OSBPL1A: variants seen among roughly 807,000 people sequenced by gnomAD.
OSBPL1A encodes the protein oxysterol-binding protein-related protein 1.
OSBPL1A carries 80 observed loss-of-function variants against 137.1 expected under a neutral mutation model. The observed-to-expected ratio is 0.58, with a 90% CI of 0.49 to 0.70. The LOEUF is 0.70. Ranked by LOEUF, OSBPL1A falls within the 30% of genes least tolerant of loss-of-function variation. The pLI is 0.00. For missense variants in OSBPL1A, 970 were observed against 1,129.4 expected (o/e 0.86, Z 2.02); for synonymous variants, 365 against 389.7 (o/e 0.94, Z 0.75).
At chr18:24,289,535 C>T (rs1249360087) in intron 14 of OSBPL1A, among the ~76,000 whole-genome samples, 1 of 150,902 alleles carries the variant, frequency 6.6e-6, no homozygotes, top group Non-Finnish European at 1.5e-5. Context: ...AATTCTCCTG[C>T]CTCAGGATCG....
chr18:24,307,068 C>T (rs999620968), intron 13 of OSBPL1A, among the ~76,000 whole-genome samples: 3 of 143,186 alleles, frequency 2.1e-5, no homozygotes, highest in African/African-American at 7.8e-5. Context: ...ACCTTCCTTG[C>T]AACATAATGA....
intron 15 of OSBPL1A, among the ~76,000 whole-genome samples, chr18:24,255,565 C>T (rs2146033907): frequency 6.6e-6 from 1 of 152,136 alleles, no homozygotes; most frequent in East Asian, 1.9e-4. Flanking sequence ...TACCTATGAC[C>T]TGGAAGCCTC....
At chr18:24,355,300 T>C (rs1555656206) in intron 4 of OSBPL1A, among the ~76,000 whole-genome samples, 2 of 150,948 alleles carry the variant, frequency 1.3e-5, no homozygotes, top group Admixed American at 6.6e-5. Flanking sequence ...TCAGGAGTTC[T>C]AGACCACCGT....
At chr18:24,369,218 T>C (rs1905418095) in intron 2 of OSBPL1A, among the ~76,000 whole-genome samples, 1 of 152,154 alleles carries the variant, frequency 6.6e-6, no homozygotes, top group African/African-American at 2.4e-5. Context: ...GGATATTGGG[T>C]TGCCAAGGTG....
chr18:24,229,561 A>T (rs1319196106), intron 16 of OSBPL1A, among the ~76,000 whole-genome samples: 1 of 152,186 alleles, frequency 6.6e-6, no homozygotes, highest in Non-Finnish European at 1.5e-5. Flanking sequence ...GCATCGTTTC[A>T]TGTGGAGACT....
At chr18:24,212,959 A>G (rs2087587280) in intron 17 of OSBPL1A, among the ~76,000 whole-genome samples, 1 of 152,226 alleles carries the variant, frequency 6.6e-6, no homozygotes, top group South Asian at 2.1e-4. Flanking sequence ...CTGTTATTAT[A>G]ATGTACCCTG....
chr18:24,318,682 A>G, intron 8 of OSBPL1A, 37 bp from the exon 9 acceptor site: 2 of 1,605,432 alleles, frequency 1.2e-6, no homozygotes, highest in Non-Finnish European at 1.7e-6. Context: ...ATGCATCTAC[A>G]TATTTCAAAC....
intron 15 of OSBPL1A, chr18:24,272,062 G>A: frequency 3.1e-6 from 3 of 982,796 alleles, no homozygotes; most frequent in Non-Finnish European, 3.6e-6. Flanking sequence ...CCCTTCCCCA[G>A]CGCCGCTGGC....
rs142980819 is a variant in OSBPL1A, at chr18:24,247,763, C to T, written c.1282-8381G>A. On this transcript the variant is annotated intron_variant, in intron 15 of 27. Coordinates refer to ENST00000319481, the MANE Select transcript of OSBPL1A (RefSeq NM_080597.4). ...TGGGATTACAGGCAGAGCCACATCA[C>T]GCCTAGCCTACAAGAGGACGCTGGT... is the stretch of plus-strand genomic sequence containing the variant. Among the ~76,000 whole-genome samples the T allele has an allele frequency of 5.3e-3, 807 of 152,126 alleles. 4 individuals are homozygous for T. Among genetic ancestry groups the T allele is most frequent in the Non-Finnish European group, 9.1e-3 (621 of 68,010 alleles).
chr18:24,367,079 G>A lies in OSBPL1A; in HGVS notation c.208-113C>T. The A allele has an allele frequency of 3.8e-6, 3 of 786,494 alleles. No homozygotes were observed. In the South Asian group the frequency reaches 9.2e-5, roughly 24 times the overall value. 48.7% of individuals were successfully genotyped at this position (786,494 alleles called of 1,614,324 possible). On this transcript the variant is annotated intron_variant, in intron 3 of 27. Coordinates refer to ENST00000319481, the MANE Select transcript of OSBPL1A (RefSeq NM_080597.4). Reference sequence around the variant, plus strand: ...AATTGTTAATATTGTTTAGGTGTCAGTACTAACAATAAATTAAATTTAAAG... The same window carrying A: ...AATTGTTAATATTGTTTAGGTGTCAATACTAACAATAAATTAAATTTAAAG...
rs117529404 is a variant in OSBPL1A at position 24,183,258 on chromosome 18, A to G, written c.1678-1979T>C. 1.1e-3 allele frequency among the ~76,000 whole-genome samples: 165 copies of G among 152,248 alleles called. 3 individuals are homozygous for G. The East Asian group carries it at 0.031, about 29-fold the overall frequency. On this transcript the variant is annotated intron_variant, in intron 18 of 27. Transcript: ENST00000319481. ...GAAATACATAACTGTCTTAGTATAA[A>G]ATATAATAATATTGAAATAAAAACA...
chr18:24,190,878 T>C (rs756649705), intron 18 of OSBPL1A, among the ~76,000 whole-genome samples: 2 of 152,240 alleles, frequency 1.3e-5, no homozygotes, highest in Admixed American at 6.5e-5. Context: ...GTGATATGTC[T>C]GGGCATGAGG....
At position 24,166,634 on chromosome 18, in the gene OSBPL1A, G is replaced by A. The variant is rs2086151438; in HGVS notation, c.2604C>T (p.Pro868=). 2 of 1,613,078 alleles carry A rather than the reference G, an allele frequency of 1.2e-6. No homozygotes were observed. The highest frequency in any genetic ancestry group is 3.3e-5 in the Admixed American group (2 of 59,824). The change falls in exon 26 of 28, where the codon CCC becomes CCT. Residue 868 remains proline (P), a synonymous_variant. Coordinates refer to ENST00000319481, the MANE Select transcript of OSBPL1A (RefSeq NM_080597.4). ...CAGGCCGTAACCTGCAGTCTGTCTT[G>A]GGAATCACACTCTCCATGTCTTTGT... ...EVDKDMESVI[P]KTDCRLRPDI...
chr18:24,336,464 G>A (rs1001035280), intron 5 of OSBPL1A, among the ~76,000 whole-genome samples: 3 of 152,078 alleles, frequency 2.0e-5, no homozygotes, highest in African/African-American at 7.2e-5. Flanking sequence ...TGGGTGGTCA[G>A]GCTTCTAGAA....
intron 26 of OSBPL1A, among the ~76,000 whole-genome samples, chr18:24,166,264 T>G (rs1382399925): frequency 1.3e-5 from 2 of 152,288 alleles, no homozygotes; most frequent in East Asian, 3.9e-4. Context: ...CACTCTCCTC[T>G]GAGGCTGACA....
chr18:24,332,620 G>A (rs192585493), intron 7 of OSBPL1A, among the ~76,000 whole-genome samples: 1 of 149,228 alleles, frequency 6.7e-6, no homozygotes, highest in East Asian at 2.0e-4. Flanking sequence ...TGAAAATGTT[G>A]TGACCCAAGG....
intron 26 of OSBPL1A, among the ~76,000 whole-genome samples, chr18:24,165,796 A>G (rs984872909): frequency 6.6e-6 from 1 of 152,092 alleles, no homozygotes; most frequent in African/African-American, 2.4e-5. Context: ...AAGAAATTTA[A>G]CACTATAAGA....
At chr18:24,253,249 C>T (rs2089165653) in intron 15 of OSBPL1A, among the ~76,000 whole-genome samples, 1 of 147,534 alleles carries the variant, frequency 6.8e-6, no homozygotes, top group Admixed American at 6.9e-5. Flanking sequence ...TACAAAGGTA[C>T]ACATAGAGTG....
intron 4 of OSBPL1A, among the ~76,000 whole-genome samples, chr18:24,362,032 A>C (rs1412384418): frequency 6.6e-6 from 1 of 151,820 alleles, no homozygotes; most frequent in East Asian, 1.9e-4. Flanking sequence ...CATAGACAAA[A>C]ATAACACTAA....
Sources: allele counts gnomAD v4.1 joint callset (sites outside exome capture counted in the v4.1 genomes callset), GRCh38; gene constraint gnomAD v4.1.1; transcripts MANE v1.5; gene names NCBI Gene and HGNC (gene_info 2026-07-23, HGNC 2026-07-21).